PKHD1L1: variants seen among roughly 807,000 people sequenced by gnomAD.
The protein encoded by PKHD1L1 is fibrocystin-L.
In PKHD1L1, 434 loss-of-function variants were observed where a neutral mutation model predicts 462.9. The ratio of observed to expected loss-of-function variants is 0.94; its 90% CI spans 0.87 to 1.02. The LOEUF (loss-of-function observed/expected upper bound fraction) is 1.02, where lower values mean the gene tolerates loss of function less well. Ranked by LOEUF, PKHD1L1 falls within the 50% of genes least tolerant of loss-of-function variation. The probability of loss-of-function intolerance (pLI) is 0.00; values close to 1 mark genes in which losing one functional copy is unlikely to be tolerated. For missense variants in PKHD1L1, 5,202 were observed against 5,096.1 expected (o/e 1.02, Z -0.63); for synonymous variants, 1,781 against 1,750.0 (o/e 1.02, Z -0.44).
chr8:109,449,460 C>T lies in PKHD1L1; in HGVS notation c.6148C>T (p.Leu2050=). Residue 2050 remains leucine, a synonymous_variant, in exon 40 of 78, where the codon CTA becomes TTA. Transcript: ENST00000378402. ...IDRLRSDYTT[L]LCEIPSNNGT... is the part of the protein sequence containing the mutation. ...CAGGCTTAGATCTGATTACACAACACTATTATGTGAAATTCCATCTAATAA... is the reference window on the plus strand; with the variant it reads ...CAGGCTTAGATCTGATTACACAACATTATTATGTGAAATTCCATCTAATAA... 1 of 1,598,718 alleles carries T rather than the reference C, an allele frequency of 6.3e-7. No individual in the cohort carries two copies. Among genetic ancestry groups the T allele is most frequent in the Non-Finnish European group, 8.5e-7 (1 of 1,172,050 alleles).
In PKHD1L1 at chr8:109,362,613, C is replaced by T. The variant is rs774112038; in HGVS notation, c.33C>T (p.Gly11=). The change falls in exon 1 of 78, where the codon GGC becomes GGT. Residue 11 remains glycine, a synonymous_variant. Coordinates refer to ENST00000378402, the MANE Select transcript of PKHD1L1 (RefSeq NM_177531.6). Reference sequence around the variant, plus strand: ...ACCTGTGGCTCCTGGGTATTTGGGGCCTCTGTGGGCTGCTCCTGTGTGCCG... The same window carrying T: ...ACCTGTGGCTCCTGGGTATTTGGGGTCTCTGTGGGCTGCTCCTGTGTGCCG... MGHLWLLGIW[G]LCGLLLCAAD... is the part of the protein sequence containing the mutation. 6.2e-6 allele frequency: 10 copies of T among 1,609,592 alleles called. No individual in the cohort carries two copies. In the South Asian group the frequency reaches 1.1e-4, roughly 18 times the overall value.
intron 2 of PKHD1L1, among the ~76,000 whole-genome samples, chr8:109,375,797 C>T (rs565821375): frequency 4.6e-5 from 7 of 152,280 alleles, no homozygotes; most frequent in Admixed American, 6.5e-5. Context: ...GTATCAGCAG[C>T]GGTGGCTGCA....
At position 109,537,013 on chromosome 8, in the gene PKHD1L1, C is replaced by T. The variant is rs1821159699; in HGVS notation, c.*6923C>T. Among the ~76,000 whole-genome samples the T allele has an allele frequency of 6.6e-6, 1 of 152,146 alleles. No individual in the cohort carries two copies. The highest frequency in any genetic ancestry group is 1.5e-5 in the Non-Finnish European group (1 of 68,034). ...TTATTTTGAAAGCAAGTAAAATTCT[C>T]CAGTAGGAAGATTAATAAAACAATT... On this transcript the variant is annotated 3_prime_UTR_variant, in exon 78 of 78. Coordinates refer to ENST00000378402, the MANE Select transcript of PKHD1L1 (RefSeq NM_177531.6).
At chr8:109,504,237 C>A in intron 67 of PKHD1L1, 90 bp from the exon 68 acceptor site, 2 of 815,528 alleles carry the variant, frequency 2.5e-6, no homozygotes, top group Non-Finnish European at 3.6e-6. Flanking sequence ...AAGGTAGTGA[C>A]AAAAGATGTG....
At position 109,404,567 on chromosome 8, in the gene PKHD1L1, A is replaced by G. The variant is rs774617825; in HGVS notation, c.1387A>G (p.Ile463Val). The change falls in exon 15 of 78, where the codon ATC becomes GTC. Residue 463 changes from isoleucine to valine, a missense_variant. Coordinates refer to ENST00000378402, the MANE Select transcript of PKHD1L1 (RefSeq NM_177531.6). ...LQKGKEYYIE[I>V]LLQEYRLSAF... ...TCTATTTTCCAGATACTATATTGAA[A>G]TCTTGCTGCAGGAGTACAGATTAAG... 6.4e-6 allele frequency: 10 copies of G among 1,560,938 alleles called. No individual in the cohort carries two copies. The African/African-American group carries it at 1.2e-4, about 19-fold the overall frequency.
intron 73 of PKHD1L1, among the ~76,000 whole-genome samples, chr8:109,520,507 T>G (rs1783171): frequency 0.24 from 36,055 of 151,964 alleles, 4,962 homozygotes; most frequent in African/African-American, 0.34. Flanking sequence ...TCCAGACAGG[T>G]ATAAGACCAC....
intron 59 of PKHD1L1, 88 bp downstream of exon 59, chr8:109,486,909 T>G (rs757364940): frequency 2.1e-5 from 27 of 1,286,986 alleles, no homozygotes; most frequent in Non-Finnish European, 2.8e-5. Flanking sequence ...TCTCACTTTT[T>G]TAATAAGATT....
At position 109,530,216 on chromosome 8, in the gene PKHD1L1, A is replaced by C. The variant is rs1821003854; in HGVS notation, c.*126A>C. On this transcript the variant is annotated 3_prime_UTR_variant, in exon 78 of 78. Coordinates refer to ENST00000378402, the MANE Select transcript of PKHD1L1 (RefSeq NM_177531.6). The stretch of plus-strand genomic sequence containing the variant: ...TAAAAATATTTTTATGATATATAAA[A>C]TGTACTAATTAGCTTTAAACACTAA... 8.6e-6 allele frequency: 4 copies of C among 465,896 alleles called. No homozygotes were observed. The highest frequency in any genetic ancestry group is 1.4e-5 in the Non-Finnish European group (4 of 289,674). The allele number at this position is 465,896 out of a possible 1,614,324, so 28.9% of individuals were successfully genotyped here.
At chr8:109,498,630 T>G (rs1464399430) in intron 66 of PKHD1L1, 25 bp from the exon 67 acceptor site, 2 of 1,612,320 alleles carry the variant, frequency 1.2e-6, no homozygotes, top group Non-Finnish European at 1.7e-6. Flanking sequence ...TCAATTTTCA[T>G]TAACTTTTTC....
intron 53 of PKHD1L1, 73 bp from the exon 54 acceptor site, chr8:109,479,478 G>C: frequency 9.9e-7 from 1 of 1,011,430 alleles, no homozygotes; most frequent in Non-Finnish European, 1.5e-6. Flanking sequence ...GAAATGGAAC[G>C]GTTTACATTT....
At chr8:109,364,467 G>T in intron 1 of PKHD1L1, 80 bp from the exon 2 acceptor site, 1 of 903,354 alleles carries the variant, frequency 1.1e-6, no homozygotes, top group Non-Finnish European at 1.7e-6. Flanking sequence ...TTGCAACCTT[G>T]TGGTATGTGT....
At chr8:109,425,824 T>G (rs552529475) in intron 24 of PKHD1L1, among the ~76,000 whole-genome samples, 117 of 152,262 alleles carry the variant, frequency 7.7e-4, no homozygotes, top group African/African-American at 2.7e-3. Flanking sequence ...ACTGAGCACT[T>G]AAAATGTGAC....
At chr8:109,419,669 A>T (rs1322246340) in intron 22 of PKHD1L1, among the ~76,000 whole-genome samples, 1 of 152,194 alleles carries the variant, frequency 6.6e-6, no homozygotes, top group Non-Finnish European at 1.5e-5. Flanking sequence ...CTTAAGAGTG[A>T]TAATTAATAA....
intron 76 of PKHD1L1, among the ~76,000 whole-genome samples, chr8:109,524,209 G>A (rs1388351532): frequency 6.6e-6 from 1 of 152,122 alleles, no homozygotes; most frequent in Admixed American, 6.6e-5. Context: ...ATTTAAGATA[G>A]TTAGGGGCCT....
chr8:109,388,005 T>G (rs1812522003), intron 6 of PKHD1L1, among the ~76,000 whole-genome samples: 1 of 152,204 alleles, frequency 6.6e-6, no homozygotes, highest in Admixed American at 6.5e-5. Context: ...CTCAGCTTCT[T>G]ATTTTCATTT....
chr8:109,375,364 G>A (rs527852554), intron 2 of PKHD1L1, among the ~76,000 whole-genome samples: 6 of 152,060 alleles, frequency 3.9e-5, no homozygotes, highest in African/African-American at 1.2e-4. Flanking sequence ...GGTCCTTTAA[G>A]GACTTCTCTG....
rs189264132 is a variant in PKHD1L1, at chr8:109,467,367, A to G, written c.8605+598A>G. ...TTCTTAAATCTTCAATCATGGCACT[A>G]ATCTCTACATTCCGCCCCTGCCCCG... On this transcript the variant is annotated intron_variant, in intron 50 of 77. Coordinates refer to ENST00000378402, the MANE Select transcript of PKHD1L1 (RefSeq NM_177531.6). Among the ~76,000 whole-genome samples the G allele has an allele frequency of 1.6e-3, 239 of 152,130 alleles. 2 individuals carry two copies. Among genetic ancestry groups the G allele is most frequent in the African/African-American group, 4.8e-3 (199 of 41,496 alleles).
chr8:109,493,636 TA>T, intron 62 of PKHD1L1, 24 bp from the exon 63 acceptor site: 1 of 1,441,022 alleles, frequency 6.9e-7, no homozygotes, highest in African/African-American at 1.4e-5. Context: ...TGATGCACAG[TA>T]TTTTTTTTTA....
In PKHD1L1 at chr8:109,483,122, T is replaced by C. The variant is rs773624851; in HGVS notation, c.9576+17T>C. The C allele has an allele frequency of 6.5e-7, 1 of 1,540,714 alleles. No homozygotes were observed. Among genetic ancestry groups the C allele is most frequent in the South Asian group, 1.2e-5 (1 of 83,000 alleles). ...GATTGGCAGGTAGACAAAATAATTA[T>C]GTAATGGAAAATGAATATACACAGT... On this transcript the variant is annotated intron_variant, in intron 57 of 77. Transcript: ENST00000378402.
Sources: allele counts gnomAD v4.1 joint callset (sites outside exome capture counted in the v4.1 genomes callset), GRCh38; gene constraint gnomAD v4.1.1; transcripts MANE v1.5; gene names NCBI Gene and HGNC (gene_info 2026-07-23, HGNC 2026-07-21).